Variants in SARDH observed in about 807,000 individuals in gnomAD.
The protein encoded by SARDH is sarcosine dehydrogenase.
In SARDH, 95 loss-of-function variants were observed where a neutral mutation model predicts 109.1. The observed-to-expected ratio is 0.87, with a 90% CI of 0.74 to 1.03. The LOEUF (loss-of-function observed/expected upper bound fraction) is 1.03. Among genes scored for constraint, SARDH ranks in the 50% least tolerant of loss-of-function variants. The pLI, the probability that SARDH is intolerant of heterozygous loss-of-function variation, is 0.00. For synonymous variants in SARDH, 572 were observed against 534.8 expected (o/e 1.07, Z -0.96); for missense variants, 1,267 against 1,287.8 (o/e 0.98, Z 0.25).
rs1193425234 is a variant in SARDH at position 133,728,068 on chromosome 9, C to T, written c.915+1697G>A. On this transcript the variant is annotated intron_variant, in intron 6 of 20. Transcript: ENST00000439388. This position sits in a 1 kb window ranked among gnomAD's most constrained non-coding sequence, Gnocchi z 5.0. The stretch of plus-strand genomic sequence containing the variant: ...GGACCCGGAGCCAGGGAGGAGGCCT[C>T]AGCACTCAGCTCCGACACCCACCGT... 6.6e-6 allele frequency among the ~76,000 whole-genome samples: 1 copy of T among 152,106 alleles called. No homozygotes were observed. Among genetic ancestry groups the T allele is most frequent in the Non-Finnish European group, 1.5e-5 (1 of 68,000 alleles).
chr9:133,707,382 A>G (rs1270451823), intron 11 of SARDH, among the ~76,000 whole-genome samples: 1 of 152,162 alleles, frequency 6.6e-6, no homozygotes, highest in African/African-American at 2.4e-5. Context: ...CCCCAGGGCC[A>G]TGTGTGGCCT....
At chr9:133,678,251 G>A (rs751605599) in intron 17 of SARDH, among the ~76,000 whole-genome samples, 2 of 152,078 alleles carry the variant, frequency 1.3e-5, no homozygotes, top group Non-Finnish European at 2.9e-5. Flanking sequence ...GCTCATCTGC[G>A]GCAAGGGTTC....
At chr9:133,705,057 C>G in intron 11 of SARDH, 26 bp from the exon 12 acceptor site, 4 of 1,568,924 alleles carry the variant, frequency 2.5e-6, no homozygotes, top group Non-Finnish European at 3.5e-6. Context: ...GAACAGGCAT[C>G]TGTCACGCAT....
At chr9:133,732,744 G>A (rs1180739136) in intron 2 of SARDH, 143 bp from the exon 3 acceptor site, 3 of 928,944 alleles carry the variant, frequency 3.2e-6, no homozygotes, top group Admixed American at 5.9e-5. Context: ...GGGGGGCCTG[G>A]AGAGGTTGTT....
chr9:133,703,926 G>A (rs1831588759), intron 12 of SARDH, among the ~76,000 whole-genome samples: 1 of 152,240 alleles, frequency 6.6e-6, no homozygotes, highest in South Asian at 2.1e-4. Context: ...CTCCCGGGTG[G>A]GGGTGCAAAA....
At position 133,666,813 on chromosome 9, in the gene SARDH, A is replaced by C. The variant is rs1830084100; in HGVS notation, c.2553T>G (p.His851Gln). The change falls in exon 20 of 21, where the codon CAT becomes CAG. Residue 851 changes from histidine (H) to glutamine (Q), a missense_variant. Coordinates refer to ENST00000439388, the MANE Select transcript of SARDH (RefSeq NM_001134707.2). This position sits in a 1 kb window ranked among gnomAD's most constrained non-coding sequence, Gnocchi z 5.2. ...AIWRNGQVVG[H>Q]VRRADFGFAI... ...CGAACCCAAAGTCAGCCCTCCGGAC[A>C]TGGCCCACCACTTGGCCGTTCCTCC... is the stretch of plus-strand genomic sequence containing the variant. 6.2e-7 allele frequency: 1 copy of C among 1,609,240 alleles called. No homozygotes were observed. Among genetic ancestry groups the C allele is most frequent in the African/African-American group, 1.3e-5 (1 of 74,908 alleles).
intron 17 of SARDH, among the ~76,000 whole-genome samples, chr9:133,676,673 C>A (rs1472841698): frequency 2.0e-5 from 3 of 152,100 alleles, no homozygotes; most frequent in Admixed American, 6.5e-5. Flanking sequence ...CTGCAGTCTG[C>A]GTCCAACAGA....
chr9:133,683,630 CCTG>C (rs2131365432), intron 17 of SARDH, among the ~76,000 whole-genome samples: 1 of 152,310 alleles, frequency 6.6e-6, no homozygotes, highest in South Asian at 2.1e-4. Context: ...GGCCCTGCTT[CCTG>C]CCCCTGTGCA....
chr9:133,674,522 G>A (rs1205549241), intron 17 of SARDH, among the ~76,000 whole-genome samples: 1 of 152,204 alleles, frequency 6.6e-6, no homozygotes, highest in Non-Finnish European at 1.5e-5. Flanking sequence ...AAAATTCCAT[G>A]CCAAAAAAGC....
chr9:133,668,166 C>T (rs927424965), intron 19 of SARDH, among the ~76,000 whole-genome samples: 24 of 151,820 alleles, frequency 1.6e-4, no homozygotes, highest in Non-Finnish European at 1.5e-5. Flanking sequence ...GCCCCCTCTC[C>T]AGGAGCTGAG....
chr9:133,692,932 G>A lies in SARDH; in HGVS notation c.1921+1326C>T, dbSNP rs10116161. On this transcript the variant is annotated intron_variant, in intron 15 of 20. Transcript: ENST00000439388. The surrounding 1 kb of genome is among the most constrained non-coding windows in gnomAD (Gnocchi z 5.0). ...CACTCACGCTCTCAGCCTCATCTCCGCCACCAGCCTCCAGACCGCAGGGCT... is the reference window on the plus strand; with the variant it reads ...CACTCACGCTCTCAGCCTCATCTCCACCACCAGCCTCCAGACCGCAGGGCT... Among the ~76,000 whole-genome samples the A allele has an allele frequency of 3.6e-4, 55 of 152,068 alleles. No individual in the cohort carries two copies. The highest frequency in any genetic ancestry group is 1.3e-3 in the African/African-American group (54 of 41,496).
intron 6 of SARDH, among the ~76,000 whole-genome samples, chr9:133,724,017 T>C (rs1832409464): frequency 6.6e-6 from 1 of 152,182 alleles, no homozygotes; most frequent in African/African-American, 2.4e-5. Flanking sequence ...GAAGTAAATC[T>C]TTATAGTCTT....
At chr9:133,660,872 C>T (rs1832403851), downstream of SARDH, among the ~76,000 whole-genome samples, 1 of 152,226 alleles carries the variant, frequency 6.6e-6, no homozygotes, top group South Asian at 2.1e-4. Context: ...TGGCTGCTAG[C>T]CTCATGTGGC....
chr9:133,700,503 T>A (rs917542440), intron 13 of SARDH, among the ~76,000 whole-genome samples: 1 of 152,088 alleles, frequency 6.6e-6, no homozygotes, highest in African/African-American at 2.4e-5. Context: ...ACTAGATATA[T>A]CTACAGAGAG....
intron 19 of SARDH, among the ~76,000 whole-genome samples, chr9:133,668,205 C>G (rs1830141344): frequency 6.6e-6 from 1 of 151,670 alleles, no homozygotes; most frequent in Non-Finnish European, 1.5e-5. Context: ...CAGGCTGTCA[C>G]ACAAGAGACA....
At chr9:133,689,544 G>A (rs910984314) in intron 16 of SARDH, among the ~76,000 whole-genome samples, 1 of 152,180 alleles carries the variant, frequency 6.6e-6, no homozygotes, top group Non-Finnish European at 1.5e-5. Context: ...ATCAGCCCTG[G>A]CACTGACCAG....
chr9:133,679,520 C>T (rs1428575825), intron 17 of SARDH, among the ~76,000 whole-genome samples: 4 of 152,206 alleles, frequency 2.6e-5, no homozygotes, highest in African/African-American at 4.8e-5. Flanking sequence ...TGCTTCGCGG[C>T]GGGGCCCGTC....
intron 13 of SARDH, among the ~76,000 whole-genome samples, chr9:133,700,479 C>T (rs956621712): frequency 2.0e-5 from 3 of 152,036 alleles, no homozygotes; most frequent in South Asian, 2.1e-4. Context: ...ATTCTACTTA[C>T]GTGAAACGTC....
At chr9:133,701,571 T>C (rs1412835781) in intron 13 of SARDH, among the ~76,000 whole-genome samples, 2 of 152,230 alleles carry the variant, frequency 1.3e-5, no homozygotes, top group Admixed American at 6.5e-5. Context: ...CAAAGCCAAG[T>C]TGGCATCTCC....
Sources: allele counts gnomAD v4.1 joint callset (sites outside exome capture counted in the v4.1 genomes callset), GRCh38; gene constraint gnomAD v4.1.1; non-coding constraint Gnocchi (gnomAD v3.1); transcripts MANE v1.5; gene names NCBI Gene and HGNC (gene_info 2026-07-23, HGNC 2026-07-21).